The following VWA3B variants were observed in gnomAD, a reference collection of about 807,000 sequenced individuals.
The protein encoded by VWA3B is von Willebrand factor A domain containing 3B, also known as von Willebrand factor A domain-containing protein 3B.
Under a neutral mutation model 158.3 loss-of-function variants are expected in VWA3B, and 138 were observed. That is an observed-to-expected ratio of 0.87 (90% CI 0.76 to 1.00). VWA3B has a LOEUF of 1.00. VWA3B is among the 50% of genes least tolerant of loss of function. The probability of loss-of-function intolerance (pLI) is 0.00; values close to 1 mark genes in which losing one functional copy is unlikely to be tolerated. For synonymous variants in VWA3B, 596 were observed against 587.3 expected (o/e 1.01, Z -0.21); for missense variants, 1,555 against 1,565.1 (o/e 0.99, Z 0.11).
chr2:98,298,130 A>G (rs1390346793), intron 24 of VWA3B, 99 bp downstream of exon 24: 20 of 1,326,666 alleles, frequency 1.5e-5, no homozygotes, highest in Non-Finnish European at 9.7e-6. Context: ...TGCTGAACCT[A>G]CACGGGCTCC....
chr2:98,282,611 G>GT (rs983226074), intron 22 of VWA3B, among the ~76,000 whole-genome samples: 12 of 151,620 alleles, frequency 7.9e-5, no homozygotes, highest in African/African-American at 2.9e-4. Flanking sequence ...TAATTTTTGT[G>GT]TTTTTTTAGT....
chr2:98,145,780 C>T (rs538556386), intron 7 of VWA3B, among the ~76,000 whole-genome samples: 5 of 151,902 alleles, frequency 3.3e-5, no homozygotes, highest in East Asian at 1.9e-4. Flanking sequence ...AATGCAGTGA[C>T]GTGATCAAAG....
intron 7 of VWA3B, among the ~76,000 whole-genome samples, chr2:98,135,960 C>G (rs915473426): frequency 6.6e-6 from 1 of 152,294 alleles, no homozygotes; most frequent in East Asian, 1.9e-4. Context: ...CATCACTTTC[C>G]TCAGGCCACC....
At chr2:98,327,451 G>T in the VWA3B span, among the ~76,000 whole-genome samples, 2 of 152,170 alleles carry the variant, frequency 1.3e-5, no homozygotes, top group Admixed American at 1.3e-4. Context: ...ATCAAAGCCA[G>T]TAATGCCTAA....
At chr2:98,318,457 A>G in the VWA3B span, among the ~76,000 whole-genome samples, 1 of 152,222 alleles carries the variant, frequency 6.6e-6, no homozygotes, top group East Asian at 1.9e-4. Context: ...GTCCTCAGCA[A>G]ACTAACACAG....
At chr2:98,289,564 C>G (rs1301214510) in intron 22 of VWA3B, among the ~76,000 whole-genome samples, 1 of 152,208 alleles carries the variant, frequency 6.6e-6, no homozygotes, top group Non-Finnish European at 1.5e-5. Context: ...AATTTATTAG[C>G]CAATTCAGCC....
intron 22 of VWA3B, among the ~76,000 whole-genome samples, chr2:98,280,477 C>G (rs56153031): frequency 0.24 from 35,965 of 152,146 alleles, 4,612 homozygotes; most frequent in African/African-American, 0.34. Context: ...CGGTGCTGCC[C>G]TGGGGTCAGG....
At chr2:98,320,061 C>A in the VWA3B span, among the ~76,000 whole-genome samples, 1 of 152,144 alleles carries the variant, frequency 6.6e-6, no homozygotes, top group Non-Finnish European at 1.5e-5. Flanking sequence ...AATTGTAACT[C>A]CCATAATTCC....
chr2:98,095,394 G>C (rs556445585), intron 2 of VWA3B, among the ~76,000 whole-genome samples: 2 of 152,166 alleles, frequency 1.3e-5, no homozygotes, highest in East Asian at 3.9e-4. Flanking sequence ...ATTGTAAATG[G>C]AATGGTTTCC....
At chr2:98,257,360 A>C (rs1348611526) in intron 21 of VWA3B, among the ~76,000 whole-genome samples, 2 of 151,814 alleles carry the variant, frequency 1.3e-5, no homozygotes, top group Non-Finnish European at 2.9e-5. Context: ...CATTTTCTTT[A>C]TCCATCCATC....
At chr2:98,207,399 T>G (rs987017699) in intron 12 of VWA3B, 1 of 479,296 alleles carries the variant, frequency 2.1e-6, no homozygotes, top group East Asian at 5.2e-5. Context: ...ATAATGATGT[T>G]GCCCGTGGGG....
intron 19 of VWA3B, among the ~76,000 whole-genome samples, chr2:98,239,328 G>C (rs559196574): frequency 6.6e-6 from 1 of 151,688 alleles, no homozygotes; most frequent in Non-Finnish European, 1.5e-5. Flanking sequence ...AGTTTCACAC[G>C]ATGAAAAGTC....
intron 8 of VWA3B, among the ~76,000 whole-genome samples, chr2:98,164,614 A>G (rs962256586): frequency 2.4e-4 from 36 of 152,378 alleles, no homozygotes; most frequent in Non-Finnish European, 4.6e-4. Context: ...CCCAAAATGC[A>G]GAACAGCAAC....
chr2:98,272,165 C>T (rs1347807722), intron 22 of VWA3B, among the ~76,000 whole-genome samples: 3 of 152,208 alleles, frequency 2.0e-5, no homozygotes, highest in Admixed American at 6.5e-5. Flanking sequence ...CTGGCCCTCC[C>T]AACACATCAG....
chr2:98,164,628 C>T (rs1014093129), intron 8 of VWA3B, among the ~76,000 whole-genome samples: 5 of 152,214 alleles, frequency 3.3e-5, no homozygotes, highest in African/African-American at 1.2e-4. Context: ...CAGCAACTTT[C>T]CTGCCTAAAC....
intron 6 of VWA3B, among the ~76,000 whole-genome samples, chr2:98,129,222 A>AGTGTGTGTGT (rs1447456836): frequency 9.1e-6 from 1 of 110,400 alleles, no homozygotes; most frequent in African/African-American, 3.5e-5. Context: ...AGAGAGAGAG[A>AGTGTGTGTGT]GAGTGTGTGT....
intron 2 of VWA3B, among the ~76,000 whole-genome samples, chr2:98,115,295 G>T (rs558400304): frequency 6.6e-6 from 1 of 152,110 alleles, no homozygotes; most frequent in Non-Finnish European, 1.5e-5. Flanking sequence ...GGCCTGTCGT[G>T]GGGTGGGGGA....
chr2:98,267,413 A>G (rs557653305), intron 21 of VWA3B, among the ~76,000 whole-genome samples: 13 of 152,244 alleles, frequency 8.5e-5, no homozygotes, highest in Middle Eastern at 3.4e-3. Flanking sequence ...CTACATGGAA[A>G]CTGAACAACC....
intron 16 of VWA3B, among the ~76,000 whole-genome samples, chr2:98,232,794 C>T (rs1230146327): frequency 6.6e-6 from 1 of 151,604 alleles, no homozygotes; most frequent in East Asian, 1.9e-4. Context: ...TATGGTGTTT[C>T]TGGGGCTCCT....
Sources: gnomAD v4.1 joint callset for allele counts (sites outside exome capture counted in the v4.1 genomes callset) on GRCh38, gnomAD v4.1.1 for gene constraint, MANE v1.5 for transcripts, NCBI Gene and HGNC (gene_info 2026-07-23, HGNC 2026-07-21) for gene names.